ARHGAP15: variants seen among roughly 807,000 people sequenced by gnomAD.
The protein encoded by ARHGAP15 is Rho GTPase activating protein 15.
ARHGAP15 carries 51 observed loss-of-function variants against 63.7 expected under a neutral mutation model. The observed-to-expected ratio is 0.80, with a 90% CI of 0.64 to 1.01. The LOEUF (loss-of-function observed/expected upper bound fraction) is 1.01. Among genes scored for constraint, ARHGAP15 ranks in the 50% least tolerant of loss-of-function variants. The pLI is 0.00. For synonymous variants in ARHGAP15, 191 were observed against 193.8 expected, an observed-to-expected ratio of 0.99 and a Z score of 0.12; for missense variants, 560 against 564.6, an observed-to-expected ratio of 0.99 and a Z score of 0.08.
chr2:143,509,326 T>A (rs1693468802), intron 9 of ARHGAP15, among the ~76,000 whole-genome samples: 1 of 141,110 alleles, frequency 7.1e-6, no homozygotes, highest in Non-Finnish European at 1.6e-5. Context: ...TGTACTTGCC[T>A]CTTATGAAAA....
intron 9 of ARHGAP15, among the ~76,000 whole-genome samples, chr2:143,509,700 G>A (rs985674781): frequency 2.0e-5 from 3 of 152,100 alleles, no homozygotes; most frequent in Non-Finnish European, 4.4e-5. Context: ...AGAAAAGATG[G>A]TGGGAACAGA....
intron 6 of ARHGAP15, among the ~76,000 whole-genome samples, chr2:143,402,763 AC>A (rs1389440653): frequency 2.0e-5 from 3 of 151,796 alleles, no homozygotes; most frequent in Non-Finnish European, 4.4e-5. Context: ...TGAAGGAAAA[AC>A]CCCAGAAACA....
At chr2:143,590,602 A>G (rs1480719240) in intron 11 of ARHGAP15, among the ~76,000 whole-genome samples, 1 of 152,104 alleles carries the variant, frequency 6.6e-6, no homozygotes, top group Non-Finnish European at 1.5e-5. Flanking sequence ...CCAACCATCC[A>G]TTCCTCCTGG....
At chr2:143,272,061 TGA>T (rs2105053998) in intron 6 of ARHGAP15, among the ~76,000 whole-genome samples, 1 of 152,372 alleles carries the variant, frequency 6.6e-6, no homozygotes, top group South Asian at 2.1e-4. Context: ...CGGTCATTGT[TGA>T]TTTTACACAT....
chr2:143,418,581 G>A (rs180814525), intron 6 of ARHGAP15, among the ~76,000 whole-genome samples: 1 of 152,170 alleles, frequency 6.6e-6, no homozygotes, highest in Admixed American at 6.5e-5. Flanking sequence ...AATATTTAAA[G>A]TTCACATAAA....
chr2:143,594,603 T>C (rs1182231836), intron 11 of ARHGAP15, among the ~76,000 whole-genome samples: 1 of 152,152 alleles, frequency 6.6e-6, no homozygotes. Context: ...CTTTGATTGA[T>C]GAAGGACAAG....
intron 10 of ARHGAP15, among the ~76,000 whole-genome samples, chr2:143,525,183 G>A (rs1435855803): frequency 6.6e-6 from 1 of 152,094 alleles, no homozygotes; most frequent in East Asian, 1.9e-4. Context: ...ACGCACTAAA[G>A]GCTGATACTT....
chr2:143,142,708 T>C (rs1689420479), intron 1 of ARHGAP15, among the ~76,000 whole-genome samples: 1 of 152,004 alleles, frequency 6.6e-6, no homozygotes, highest in Non-Finnish European at 1.5e-5. Flanking sequence ...TAAATACACA[T>C]ACATGTGTGC....
chr2:143,381,299 G>A (rs906233292), intron 6 of ARHGAP15, among the ~76,000 whole-genome samples: 10 of 152,080 alleles, frequency 6.6e-5, no homozygotes, highest in African/African-American at 2.2e-4. Context: ...ATGCATTCCC[G>A]CCAGCTTTGA....
intron 8 of ARHGAP15, among the ~76,000 whole-genome samples, chr2:143,478,648 C>T (rs954648610): frequency 1.3e-5 from 2 of 152,120 alleles, no homozygotes; most frequent in African/African-American, 4.8e-5. Flanking sequence ...TAAATGAGAT[C>T]AATGTGCTTA....
intron 6 of ARHGAP15, among the ~76,000 whole-genome samples, chr2:143,278,224 G>T (rs143642419): frequency 2.6e-5 from 4 of 152,016 alleles, no homozygotes; most frequent in African/African-American, 9.7e-5. Context: ...GCCTATTGCC[G>T]GTCCAGAATG....
At chr2:143,511,036 G>T (rs933903507) in intron 9 of ARHGAP15, among the ~76,000 whole-genome samples, 10 of 152,108 alleles carry the variant, frequency 6.6e-5, no homozygotes, top group African/African-American at 2.4e-4. Context: ...CCCATTACTG[G>T]GTGTTCTTTC....
intron 6 of ARHGAP15, among the ~76,000 whole-genome samples, chr2:143,330,844 G>T (rs1684517492): frequency 6.6e-6 from 1 of 152,162 alleles, no homozygotes; most frequent in Admixed American, 6.6e-5. Flanking sequence ...GTACTTATTT[G>T]CACATTAAAC....
At chr2:143,339,070 G>A (rs576433521) in intron 6 of ARHGAP15, among the ~76,000 whole-genome samples, 1 of 152,094 alleles carries the variant, frequency 6.6e-6, no homozygotes, top group Admixed American at 6.6e-5. Context: ...TTGATTGAAT[G>A]CCCATTATAT....
intron 9 of ARHGAP15, among the ~76,000 whole-genome samples, chr2:143,497,672 G>A (rs1692877581): frequency 6.6e-6 from 1 of 152,172 alleles, no homozygotes; most frequent in African/African-American, 2.4e-5. Context: ...TAATTCTACT[G>A]CTCACACTAA....
At chr2:143,627,893 T>C (rs1462005078) in intron 12 of ARHGAP15, among the ~76,000 whole-genome samples, 1 of 152,202 alleles carries the variant, frequency 6.6e-6, no homozygotes, top group East Asian at 1.9e-4. Flanking sequence ...GTATACTGCG[T>C]GATGCTGAGG....
chr2:143,252,787 A>T (rs1364257152), intron 6 of ARHGAP15, among the ~76,000 whole-genome samples: 1 of 152,096 alleles, frequency 6.6e-6, no homozygotes, highest in Non-Finnish European at 1.5e-5. Flanking sequence ...AATAGCTTCT[A>T]TAGTTCTGTT....
chr2:143,642,321 G>A (rs564058026), intron 12 of ARHGAP15, among the ~76,000 whole-genome samples: 10 of 152,030 alleles, frequency 6.6e-5, no homozygotes, highest in Admixed American at 2.0e-4. Context: ...AGAATCAGTT[G>A]TTTGAAGGCT....
intron 12 of ARHGAP15, among the ~76,000 whole-genome samples, chr2:143,662,152 A>G (rs1681842593): frequency 1.3e-5 from 2 of 152,250 alleles, no homozygotes; most frequent in South Asian, 4.1e-4. Context: ...ACCTCTGCAG[A>G]CTTAAATATG....
Sources: allele counts gnomAD v4.1 joint callset (sites outside exome capture counted in the v4.1 genomes callset), GRCh38; gene constraint gnomAD v4.1.1; transcripts MANE v1.5; gene names NCBI Gene and HGNC (gene_info 2026-07-23, HGNC 2026-07-21).